The following SRSF4 variants were observed in gnomAD, a reference collection of about 807,000 sequenced individuals.
SRSF4 encodes the protein serine and arginine rich splicing factor 4.
In SRSF4, 12 loss-of-function variants were observed where a neutral mutation model predicts 48.8. That is an observed-to-expected ratio of 0.25 (90% CI 0.16 to 0.40). The LOEUF (loss-of-function observed/expected upper bound fraction) is 0.40. SRSF4 is among the 10% of genes least tolerant of loss of function. The pLI is 1.00. For missense variants in SRSF4, 466 were observed against 667.1 expected (o/e 0.70, Z 3.32); for synonymous variants, 248 against 232.5 (o/e 1.07, Z -0.61).
chr1:29,175,296 C>T (rs1672822251), intron 1 of SRSF4, among the ~76,000 whole-genome samples: 1 of 151,936 alleles, frequency 6.6e-6, no homozygotes, highest in Admixed American at 6.6e-5. Flanking sequence ...ACCTGTAATC[C>T]CAGCTACTTG....
intron 5 of SRSF4, among the ~76,000 whole-genome samples, 172 bp from the exon 6 acceptor site, chr1:29,149,398 T>C (rs1274648599): frequency 6.6e-6 from 1 of 152,148 alleles, no homozygotes; most frequent in African/African-American, 2.4e-5. Context: ...CTGGAAAAAC[T>C]GGCCAGGTGC....
intron 1 of SRSF4, among the ~76,000 whole-genome samples, chr1:29,175,694 CAAAAAAAAAAAAA>C (rs60942124): frequency 1.3e-4 from 5 of 38,588 alleles, no homozygotes; most frequent in South Asian, 2.2e-3. Context: ...GACGCTGTCT[CAAAAAAAAAAAAA>C]AAAAAAAAAA....
At chr1:29,156,911 G>T (rs1672509055) in intron 3 of SRSF4, among the ~76,000 whole-genome samples, 1 of 152,234 alleles carries the variant, frequency 6.6e-6, no homozygotes. Context: ...CAATCACTTA[G>T]ATCTAAGAAG....
In SRSF4 at chr1:29,181,684, C is replaced by T. The variant is rs151052201; in HGVS notation, c.69G>A (p.Lys23=). 118 of 1,597,458 alleles carry T rather than the reference C, an allele frequency of 7.4e-5. No individual in the cohort carries two copies. Among genetic ancestry groups the T allele is most frequent in the Middle Eastern group, 1.7e-4 (1 of 6,040 alleles). Residue 23 remains lysine (K), a synonymous_variant, in exon 1 of 6, where the codon AAG becomes AAA. Coordinates refer to ENST00000373795, the MANE Select transcript of SRSF4 (RefSeq NM_005626.5). ...CCACCTCCAGGATCTTCCCGTAGCC[C>T]TTAAAGAAGCGCTCCACATCGCGCT... is the stretch of plus-strand genomic sequence containing the variant. ...ARERDVERFF[K]GYGKILEVDL...
chr1:29,152,364 A>G (rs1005405661), intron 4 of SRSF4, among the ~76,000 whole-genome samples: 1 of 152,196 alleles, frequency 6.6e-6, no homozygotes, highest in African/African-American at 2.4e-5. Context: ...TGCAATTCAG[A>G]GTTCTCCAAT....
chr1:29,151,117 A>G (rs1672402318), intron 4 of SRSF4, among the ~76,000 whole-genome samples: 1 of 152,222 alleles, frequency 6.6e-6, no homozygotes, highest in Non-Finnish European at 1.5e-5. Context: ...GTAGTACACA[A>G]AGATGGGCCT....
intron 4 of SRSF4, among the ~76,000 whole-genome samples, chr1:29,152,922 C>A (rs1233292084): frequency 6.4e-5 from 9 of 141,370 alleles, no homozygotes; most frequent in Admixed American, 7.1e-5. Flanking sequence ...AACTCCGTCT[C>A]AAAAAAAAAA....
intron 1 of SRSF4, among the ~76,000 whole-genome samples, chr1:29,175,467 G>A (rs968681355): frequency 5.3e-5 from 8 of 149,720 alleles, no homozygotes; most frequent in South Asian, 2.1e-4. Flanking sequence ...AGGCCGAGGC[G>A]GGTGGATCAT....
chr1:29,161,541 A>G (rs1672595131), intron 1 of SRSF4, among the ~76,000 whole-genome samples: 1 of 152,260 alleles, frequency 6.6e-6, no homozygotes, highest in Admixed American at 6.5e-5. Flanking sequence ...ACAAGTTACA[A>G]GACTTGTCAG....
intron 1 of SRSF4, among the ~76,000 whole-genome samples, chr1:29,178,138 G>A (rs957730681): frequency 1.3e-5 from 2 of 151,860 alleles, no homozygotes; most frequent in African/African-American, 4.8e-5. Flanking sequence ...GACTTCAAGT[G>A]ATCCACCTAC....
chr1:29,147,938 G>A lies in SRSF4; in HGVS notation c.*472C>T, dbSNP rs879925401. On this transcript the variant is annotated 3_prime_UTR_variant, in exon 6 of 6. Coordinates refer to ENST00000373795, the MANE Select transcript of SRSF4 (RefSeq NM_005626.5). Reference sequence around the variant, plus strand: ...GTTACTGCAGGTATCAATTTTCCTCGACTGTGCTATTCACAACTTTGTTAA... The same window carrying A: ...GTTACTGCAGGTATCAATTTTCCTCAACTGTGCTATTCACAACTTTGTTAA... 1.7e-4 allele frequency: 64 copies of A among 368,934 alleles called. No individual in the cohort carries two copies. In the Admixed American group the frequency reaches 1.9e-3, roughly 11 times the overall value. The allele number at this position is 368,934 out of a possible 1,614,324, so 22.9% of individuals were successfully genotyped here.
rs1387947752 is a variant in SRSF4, at chr1:29,153,757, G to A, written c.578+939C>T. Among the ~76,000 whole-genome samples, 8 of 150,952 alleles carry A rather than the reference G, an allele frequency of 5.3e-5. No individual in the cohort carries two copies. The Middle Eastern group carries it at 0.01, about 195-fold the overall frequency. The stretch of plus-strand genomic sequence containing the variant: ...GGGATTACAGGCATGCACCACCAAC[G>A]CCTAGCTAATTTTTTTGTATTTTTT... On this transcript the variant is annotated intron_variant, in intron 4 of 5. Transcript: ENST00000373795.
chr1:29,158,593 C>A (rs944320340), intron 3 of SRSF4, among the ~76,000 whole-genome samples: 2 of 152,058 alleles, frequency 1.3e-5, no homozygotes, highest in African/African-American at 4.8e-5. Flanking sequence ...CCACGCCCGG[C>A]TAATTTTTGT....
chr1:29,153,283 G>A (rs1184359380), intron 4 of SRSF4, among the ~76,000 whole-genome samples: 4 of 150,766 alleles, frequency 2.7e-5, no homozygotes, highest in Admixed American at 1.3e-4. Flanking sequence ...GACCACAGGC[G>A]TGTGCCATCA....
rs550815767 is a variant in SRSF4 at position 29,153,202 on chromosome 1, G to A, written c.578+1494C>T. Among the ~76,000 whole-genome samples the A allele has an allele frequency of 1.4e-3, 210 of 152,090 alleles. 2 individuals carry two copies. The highest frequency in any genetic ancestry group is 2.7e-3 in the Non-Finnish European group (182 of 68,012). ...GCTGGAGTATAGTGGAGTGATCTCT[G>A]CTCACTGCAACCCCTGCCTCCTGGG... On this transcript the variant is annotated intron_variant, in intron 4 of 5. Coordinates refer to ENST00000373795, the MANE Select transcript of SRSF4 (RefSeq NM_005626.5).
At chr1:29,175,644 G>A (rs1370439783) in intron 1 of SRSF4, among the ~76,000 whole-genome samples, 3 of 116,372 alleles carry the variant, frequency 2.6e-5, no homozygotes, top group Non-Finnish European at 5.0e-5. Context: ...GCAGTGAGCC[G>A]AGATTGCGCC....
intron 5 of SRSF4, 59 bp downstream of exon 5, chr1:29,150,044 T>C: frequency 2.2e-6 from 3 of 1,387,804 alleles, no homozygotes; most frequent in South Asian, 2.5e-5. Flanking sequence ...GAAAAAAAAG[T>C]GAGACAGGGT....
chr1:29,148,584 A>T lies in SRSF4; in HGVS notation c.1311T>A (p.Asn437Lys). The T allele has an allele frequency of 1.5e-5, 24 of 1,613,918 alleles. No homozygotes were observed. Among genetic ancestry groups the T allele is most frequent in the Non-Finnish European group, 1.9e-5 (23 of 1,179,934 alleles). ...GRGESENAGT[N>K]QETRSRSRSN... The stretch of plus-strand genomic sequence containing the variant: ...ATCTCGACCTGGACCGGGTCTCCTG[A>T]TTGGTGCCAGCATTCTCACTCTCTC... The change falls in exon 6 of 6, where the codon AAT (asparagine) becomes AAA (lysine). Residue 437 changes from asparagine to lysine, a missense_variant. Physicochemically the swap from Asn to Lys is moderately conservative, Grantham distance 94. Transcript: ENST00000373795.
chr1:29,148,462 G>C lies in SRSF4; in HGVS notation c.1433C>G (p.Ser478Cys). The C allele has an allele frequency of 6.2e-7, 1 of 1,613,298 alleles. No individual in the cohort carries two copies. Among genetic ancestry groups the C allele is most frequent in the South Asian group, 1.1e-5 (1 of 90,922 alleles). Residue 478 changes from serine to cysteine, a missense_variant, in exon 6 of 6, where the codon TCT becomes TGT. This residue lies in a region of SRSF4 where 402 missense variants were observed against 437.0 expected (regional missense o/e 0.92). Transcript: ENST00000373795. ...TRSRSKSRSR[S>C]ASRSPSRSRS... ...AGATCGGGAGGGCGATCTGGAAGCA[G>C]ACCTGGATCTAGACTTGGACCGAGA...
Sources: gnomAD v4.1 joint callset for allele counts (sites outside exome capture counted in the v4.1 genomes callset) on GRCh38, gnomAD v4.1.1 for gene constraint, gnomAD v4.1.1 regional missense constraint, MANE v1.5 for transcripts, NCBI Gene and HGNC (gene_info 2026-07-23, HGNC 2026-07-21) for gene names.